Variants in PLA2G4A observed in about 807,000 individuals in gnomAD.
PLA2G4A encodes phospholipase A2 group IVA, also known as cytosolic phospholipase A2.
In PLA2G4A, 40 loss-of-function variants were observed where a neutral mutation model predicts 81.9. The observed-to-expected ratio is 0.49, with a 90% CI of 0.38 to 0.64. The LOEUF is 0.64. PLA2G4A is among the 30% of genes least tolerant of loss of function. The pLI is 0.00. For missense variants in PLA2G4A, 715 were observed against 905.1 expected (o/e 0.79, Z 2.69); for synonymous variants, 302 against 296.9 (o/e 1.02, Z -0.18).
chr1:186,883,907 T>A (rs1267900313), intron 3 of PLA2G4A, among the ~76,000 whole-genome samples: 1 of 152,150 alleles, frequency 6.6e-6, no homozygotes, highest in Non-Finnish European at 1.5e-5. Context: ...AAGTGTAGAC[T>A]ATATTTTTCC....
In PLA2G4A at chr1:186,840,922, A is replaced by G. The variant is rs140221074; in HGVS notation, c.-70+11887A>G. Among the ~76,000 whole-genome samples, 40 of 152,380 alleles carry G rather than the reference A, an allele frequency of 2.6e-4. No homozygotes were observed. In the East Asian group the frequency reaches 7.5e-3, roughly 29 times the overall value. On this transcript the variant is annotated intron_variant, in intron 1 of 17. Coordinates refer to ENST00000367466, the MANE Select transcript of PLA2G4A (RefSeq NM_024420.3). The stretch of plus-strand genomic sequence containing the variant: ...TGGGGAGCATATTTGCAAAATGTCC[A>G]GTCTAGAGAGAAAAGATGTAGAAGT...
chr1:186,986,171 C>G (rs1408682847), intron 17 of PLA2G4A, among the ~76,000 whole-genome samples: 1 of 152,158 alleles, frequency 6.6e-6, no homozygotes, highest in Non-Finnish European at 1.5e-5. Flanking sequence ...GGCTTGCTCA[C>G]TAGGAACACC....
At chr1:186,878,516 T>A (rs1315566486) in intron 3 of PLA2G4A, among the ~76,000 whole-genome samples, 2 of 151,634 alleles carry the variant, frequency 1.3e-5, no homozygotes, top group African/African-American at 4.8e-5. Flanking sequence ...GGTCTTTTCA[T>A]GGAAGATAAT....
chr1:186,878,085 A>G (rs1455632633), intron 3 of PLA2G4A, among the ~76,000 whole-genome samples: 1 of 143,216 alleles, frequency 7.0e-6, no homozygotes, highest in African/African-American at 2.6e-5. Flanking sequence ...AGTATATACT[A>G]AAATATATCT....
rs769886051 is a variant in PLA2G4A at position 186,965,499 on chromosome 1, C to T, written c.1670C>T (p.Pro557Leu). Residue 557 changes from proline to leucine, a missense_variant, in exon 15 of 18, where the codon CCG (proline) becomes CTG (leucine). Coordinates refer to ENST00000367466, the MANE Select transcript of PLA2G4A (RefSeq NM_024420.3). ...VVDSGLTFNL[P>L]YPLILRPQRG... Reference sequence around the variant, plus strand: ...GACAGTGGGCTCACATTTAACCTGCCGTATCCCTTGATACTGAGACCTCAG... The same window carrying T: ...GACAGTGGGCTCACATTTAACCTGCTGTATCCCTTGATACTGAGACCTCAG... 5.0e-6 allele frequency: 8 copies of T among 1,610,446 alleles called. No homozygotes were observed. Among genetic ancestry groups the T allele is most frequent in the African/African-American group, 1.3e-5 (1 of 74,834 alleles).
intron 5 of PLA2G4A, among the ~76,000 whole-genome samples, chr1:186,894,423 C>T (rs1315051600): frequency 6.6e-6 from 1 of 152,106 alleles, no homozygotes; most frequent in African/African-American, 2.4e-5. Context: ...TTATACCAAA[C>T]ACTACTAAGG....
chr1:186,839,810 C>A (rs1285006505), intron 1 of PLA2G4A, among the ~76,000 whole-genome samples: 8 of 151,996 alleles, frequency 5.3e-5, no homozygotes, highest in African/African-American at 9.7e-5. Flanking sequence ...TTTCCTCTCT[C>A]CTCAAAAATT....
At chr1:186,847,364 G>A (rs1449285724) in intron 1 of PLA2G4A, among the ~76,000 whole-genome samples, 2 of 150,656 alleles carry the variant, frequency 1.3e-5, no homozygotes, top group African/African-American at 4.9e-5. Context: ...ATACGTGTGT[G>A]TGTGTGTGTG....
At chr1:186,980,191 G>A (rs1406662253) in intron 17 of PLA2G4A, among the ~76,000 whole-genome samples, 1 of 151,914 alleles carries the variant, frequency 6.6e-6, no homozygotes, top group Non-Finnish European at 1.5e-5. Context: ...CGCCCGCCTC[G>A]GCCTTCCTAA....
At chr1:186,832,538 A>G (rs914532152) in intron 1 of PLA2G4A, among the ~76,000 whole-genome samples, 2 of 152,274 alleles carry the variant, frequency 1.3e-5, no homozygotes, top group South Asian at 4.1e-4. Context: ...CTATGTCAAT[A>G]CTGGGTGCCA....
At chr1:186,982,016 T>A (rs886818273) in intron 17 of PLA2G4A, among the ~76,000 whole-genome samples, 1 of 152,112 alleles carries the variant, frequency 6.6e-6, no homozygotes. Context: ...AAGGAAAAAA[T>A]TAAATGTACC....
At chr1:186,972,315 A>G (rs548165222) in intron 15 of PLA2G4A, among the ~76,000 whole-genome samples, 1 of 152,132 alleles carries the variant, frequency 6.6e-6, no homozygotes, top group Non-Finnish European at 1.5e-5. Flanking sequence ...TCTTAGATGT[A>G]TAATATGAAA....
At chr1:186,875,442 C>T (rs1238601084) in intron 3 of PLA2G4A, among the ~76,000 whole-genome samples, 2 of 151,804 alleles carry the variant, frequency 1.3e-5, no homozygotes, top group Non-Finnish European at 2.9e-5. Context: ...TTATTTTATA[C>T]TAAAATCATG....
At chr1:186,981,247 A>G (rs1376506119) in intron 17 of PLA2G4A, among the ~76,000 whole-genome samples, 1 of 152,224 alleles carries the variant, frequency 6.6e-6, no homozygotes, top group Non-Finnish European at 1.5e-5. Context: ...TTGTAGGAAT[A>G]TACAAATACC....
chr1:186,845,437 G>A (rs78943690), intron 1 of PLA2G4A, among the ~76,000 whole-genome samples: 4 of 151,998 alleles, frequency 2.6e-5, no homozygotes, highest in South Asian at 2.1e-4. Context: ...TTTTCCCTAC[G>A]TACAGACAAG....
chr1:186,916,602 T>C (rs1249781210), intron 7 of PLA2G4A, among the ~76,000 whole-genome samples: 1 of 152,218 alleles, frequency 6.6e-6, no homozygotes, highest in Non-Finnish European at 1.5e-5. Flanking sequence ...GTATCATTTA[T>C]GAGTCCCCAC....
chr1:186,865,091 C>CAT (rs34405767), intron 2 of PLA2G4A, among the ~76,000 whole-genome samples: 15,796 of 147,020 alleles, frequency 0.11, 1,002 homozygotes, highest in Middle Eastern at 0.22. Flanking sequence ...AAAATATATA[C>CAT]ATATATATAT....
chr1:186,968,221 C>T (rs759535606), intron 15 of PLA2G4A, among the ~76,000 whole-genome samples: 6 of 152,048 alleles, frequency 3.9e-5, no homozygotes, highest in African/African-American at 1.4e-4. Flanking sequence ...TGGAATATCA[C>T]TTTGTACCTT....
At chr1:186,952,478 C>G (rs1347042246) in intron 13 of PLA2G4A, among the ~76,000 whole-genome samples, 1 of 152,118 alleles carries the variant, frequency 6.6e-6, no homozygotes, top group African/African-American at 2.4e-5. Context: ...CCCCTGTCCA[C>G]CTTCCACCAC....
Sources: allele counts gnomAD v4.1 joint callset (sites outside exome capture counted in the v4.1 genomes callset), GRCh38; gene constraint gnomAD v4.1.1; transcripts MANE v1.5; gene names NCBI Gene and HGNC (gene_info 2026-07-23, HGNC 2026-07-21).